OSBPL6: variants seen among roughly 807,000 people sequenced by gnomAD.
OSBPL6 encodes oxysterol binding protein like 6.
In OSBPL6, 49 loss-of-function variants were observed where a neutral mutation model predicts 125.8. That is an observed-to-expected ratio of 0.39 (90% CI 0.31 to 0.49). The LOEUF is 0.49. OSBPL6 is among the 20% of genes least tolerant of loss of function. The pLI is 0.88. For synonymous variants in OSBPL6, 394 were observed against 391.8 expected (o/e 1.01, Z -0.07); for missense variants, 986 against 1,135.4 (o/e 0.87, Z 1.89).
At chr2:178,348,039 T>C (rs1690891173) in intron 11 of OSBPL6, among the ~76,000 whole-genome samples, 1 of 152,204 alleles carries the variant, frequency 6.6e-6, no homozygotes, top group South Asian at 2.1e-4. Context: ...GGCCAGATAT[T>C]TTGATTCTTT....
chr2:178,220,979 G>A (rs528345980), intron 1 of OSBPL6, among the ~76,000 whole-genome samples: 1 of 152,196 alleles, frequency 6.6e-6, no homozygotes, highest in Non-Finnish European at 1.5e-5. Context: ...CCCAGGCTGT[G>A]TCCATTAAGC....
At chr2:178,242,528 G>A (rs1425723169) in intron 1 of OSBPL6, among the ~76,000 whole-genome samples, 2 of 152,128 alleles carry the variant, frequency 1.3e-5, no homozygotes, top group East Asian at 1.9e-4. Flanking sequence ...CAAGTGTGGC[G>A]AGCCTGCTTC....
intron 1 of OSBPL6, among the ~76,000 whole-genome samples, chr2:178,280,073 C>G (rs1359180733): frequency 4.6e-5 from 7 of 152,076 alleles, no homozygotes; most frequent in African/African-American, 1.7e-4. Flanking sequence ...TGGCGCACAC[C>G]TGTAGTCCCA....
chr2:178,287,276 T>C (rs1183111432), intron 2 of OSBPL6, among the ~76,000 whole-genome samples: 1 of 150,956 alleles, frequency 6.6e-6, no homozygotes, highest in African/African-American at 2.4e-5. Context: ...CCACAGGGTA[T>C]CCATTTCTCC....
At chr2:178,269,947 G>T (rs2092338367) in intron 1 of OSBPL6, among the ~76,000 whole-genome samples, 1 of 152,220 alleles carries the variant, frequency 6.6e-6, no homozygotes, top group African/African-American at 2.4e-5. Context: ...TTGAGAGTCT[G>T]CTCTGTGCCG....
rs1474106955 is a variant in OSBPL6 at position 178,306,283 on chromosome 2, G to C, written c.99G>C (p.Arg33Ser). 6.2e-7 allele frequency: 1 copy of C among 1,601,328 alleles called. No individual in the cohort carries two copies. The highest frequency in any genetic ancestry group is 1.7e-5 in the Admixed American group (1 of 59,994). ...CAACATCCTCCCAAAGGGACAGTAGGCAGGTAAGAGAAGAGCATTAAGTGC... is the reference window on the plus strand; with the variant it reads ...CAACATCCTCCCAAAGGGACAGTAGCCAGGTAAGAGAAGAGCATTAAGTGC... The part of the protein sequence containing the change: ...SSSTSSQRDS[R>S]QSIHILERTA... Residue 33 changes from arginine (R) to serine (S), a missense_variant, in exon 3 of 25, where the codon AGG (arginine) becomes AGC (serine). By Grantham distance (110) the Arg-to-Ser change is moderately radical (BLOSUM62 -1). Transcript: ENST00000190611.
chr2:178,331,281 T>A (rs1372977961), intron 5 of OSBPL6, among the ~76,000 whole-genome samples: 1 of 152,154 alleles, frequency 6.6e-6, no homozygotes, highest in African/African-American at 2.4e-5. Context: ...GTCCTCAGAT[T>A]CCTCCCCTGT....
At chr2:178,235,265 T>C (rs2090999285) in intron 1 of OSBPL6, among the ~76,000 whole-genome samples, 3 of 152,138 alleles carry the variant, frequency 2.0e-5, no homozygotes, top group South Asian at 2.1e-4. Context: ...GGTTGAGTTA[T>C]ACATATATAA....
chr2:178,247,016 ACC>A (rs1491121004), intron 1 of OSBPL6, among the ~76,000 whole-genome samples: 2 of 43,186 alleles, frequency 4.6e-5, no homozygotes, highest in South Asian at 8.3e-4. Flanking sequence ...GCCCCTCCCC[ACC>A]CCCCCATGTT....
chr2:178,329,280 T>G (rs190156949), intron 5 of OSBPL6, among the ~76,000 whole-genome samples: 30 of 152,302 alleles, frequency 2.0e-4, no homozygotes, highest in Admixed American at 1.8e-3. Flanking sequence ...CCTTGTCCTA[T>G]CTCTAAGTTT....
chr2:178,212,235 A>G (rs1320909693), intron 1 of OSBPL6, among the ~76,000 whole-genome samples: 9 of 152,186 alleles, frequency 5.9e-5, no homozygotes, highest in African/African-American at 2.2e-4. Context: ...TAAGGCAAGA[A>G]GTGTTCCTAG....
chr2:178,395,744 C>T lies in OSBPL6; in HGVS notation c.*185C>T, dbSNP rs938027679. On this transcript the variant is annotated 3_prime_UTR_variant, in exon 25 of 25. Transcript: ENST00000190611. Reference sequence around the variant, plus strand: ...CAAGGCCCCTAACCACTTTGGGATCCTTTCTGTTTTGCTGCAACCATATTC... The same window carrying T: ...CAAGGCCCCTAACCACTTTGGGATCTTTTCTGTTTTGCTGCAACCATATTC... 2.2e-6 allele frequency: 1 copy of T among 462,152 alleles called. No homozygotes were observed. The highest frequency in any genetic ancestry group is 2.3e-5 in the African/African-American group (1 of 43,914). 28.6% of individuals were successfully genotyped at this position (462,152 alleles called of 1,614,324 possible). A position where few individuals can be genotyped will look rare whatever the true frequency, so the allele number is the denominator to read the frequency against.
intron 1 of OSBPL6, among the ~76,000 whole-genome samples, chr2:178,201,719 T>C (rs1452729994): frequency 1.3e-5 from 2 of 152,238 alleles, no homozygotes; most frequent in African/African-American, 4.8e-5. Context: ...CATGCCTAGA[T>C]ACTAAATCAT....
At chr2:178,310,942 C>T (rs924965713) in intron 3 of OSBPL6, among the ~76,000 whole-genome samples, 2 of 152,184 alleles carry the variant, frequency 1.3e-5, no homozygotes, top group African/African-American at 4.8e-5. Flanking sequence ...ACTATCGTCA[C>T]AGTTTTCCAG....
intron 12 of OSBPL6, among the ~76,000 whole-genome samples, chr2:178,353,391 G>A (rs536238176): frequency 7.8e-4 from 119 of 152,342 alleles, no homozygotes; most frequent in African/African-American, 2.5e-3. Context: ...ATAGTGTGGA[G>A]AGGACCTTAA....
At chr2:178,294,838 A>T (rs886238728) in intron 2 of OSBPL6, among the ~76,000 whole-genome samples, 8 of 150,464 alleles carry the variant, frequency 5.3e-5, no homozygotes, top group African/African-American at 2.0e-4. Flanking sequence ...GAATTGAGCT[A>T]ATTAACATGT....
At chr2:178,204,725 G>A (rs1185230351) in intron 1 of OSBPL6, among the ~76,000 whole-genome samples, 1 of 152,184 alleles carries the variant, frequency 6.6e-6, no homozygotes, top group Non-Finnish European at 1.5e-5. Flanking sequence ...GTGAAGTGGA[G>A]GTCTTGAGGG....
chr2:178,341,907 C>G (rs532636170), intron 11 of OSBPL6, among the ~76,000 whole-genome samples: 1 of 152,212 alleles, frequency 6.6e-6, no homozygotes, highest in Non-Finnish European at 1.5e-5. Context: ...AAAATTCACA[C>G]TTGGCTAGGG....
chr2:178,320,265 G>A, intron 3 of OSBPL6: 1 of 1,610,062 alleles, frequency 6.2e-7, no homozygotes, highest in South Asian at 1.1e-5. Flanking sequence ...TGCTCAGGAG[G>A]TATTGAGATC....
Sources: allele counts gnomAD v4.1 joint callset (sites outside exome capture counted in the v4.1 genomes callset), GRCh38; gene constraint gnomAD v4.1.1; transcripts MANE v1.5; gene names NCBI Gene and HGNC (gene_info 2026-07-23, HGNC 2026-07-21).